RIGI: variants seen among roughly 807,000 people sequenced by gnomAD.
The protein encoded by RIGI is antiviral innate immune response receptor RIG-I.
At chr9:32,487,831 A>T in the RIGI span, 2 of 1,360,778 alleles carry the variant, frequency 1.5e-6, no homozygotes, top group Non-Finnish European at 2.0e-6. Context: ...AATGAGTTGT[A>T]CAATATGGAC....
At chr9:32,457,110 G>T in the RIGI span, 1 of 1,605,098 alleles carries the variant, frequency 6.2e-7, no homozygotes, top group South Asian at 1.1e-5. Flanking sequence ...GCTGAAGATT[G>T]AGGACCTGAT....
the RIGI span, chr9:32,457,012 A>G: frequency 1.2e-6 from 1 of 826,568 alleles, no homozygotes; most frequent in Non-Finnish European, 1.9e-6. Context: ...ATATTTTTAA[A>G]AAATATATTT....
At chr9:32,485,203 ACTCT>A in the RIGI span, 5 of 1,606,770 alleles carry the variant, frequency 3.1e-6, no homozygotes, top group South Asian at 5.6e-5. Flanking sequence ...TCTTTGCCAG[ACTCT>A]CTGTGTCCCT....
At chr9:32,492,538 T>C in the RIGI span, 1 of 1,614,108 alleles carries the variant, frequency 6.2e-7, no homozygotes, top group Non-Finnish European at 8.5e-7. Context: ...GTAGAGCAAA[T>C]CTAAGCAAGG....
the RIGI span, chr9:32,500,947 C>G: frequency 1.2e-6 from 2 of 1,610,852 alleles, no homozygotes; most frequent in Non-Finnish European, 1.7e-6. Flanking sequence ...CTTCTACAAA[C>G]AGAAGCAAAA....
chr9:32,504,299 CA>C, the RIGI span, among the ~76,000 whole-genome samples: 3 of 151,772 alleles, frequency 2.0e-5, no homozygotes, highest in African/African-American at 7.3e-5. Flanking sequence ...CCACGGATGG[CA>C]AAAAAATATG....
At chr9:32,492,613 G>A in the RIGI span, 1 of 1,531,210 alleles carries the variant, frequency 6.5e-7, no homozygotes, top group Non-Finnish European at 9.0e-7. Context: ...CTGAAGAAAT[G>A]TCAGTCATGT....
chr9:32,479,392 C>CA, the RIGI span, among the ~76,000 whole-genome samples: 3 of 151,704 alleles, frequency 2.0e-5, no homozygotes, highest in African/African-American at 7.3e-5. Context: ...AGGTAGAGGC[C>CA]AAAAAAACCC....
At chr9:32,461,572 G>A in the RIGI span, among the ~76,000 whole-genome samples, 2 of 152,176 alleles carry the variant, frequency 1.3e-5, no homozygotes, top group Non-Finnish European at 2.9e-5. Flanking sequence ...TGGGACAATA[G>A]CATCTGCTTC....
At chr9:32,466,496 T>C in the RIGI span, 3 of 1,465,962 alleles carry the variant, frequency 2.0e-6, no homozygotes, top group Admixed American at 4.9e-5. Context: ...TCTGATATAA[T>C]CTGCAAATAG....
chr9:32,504,435 T>A, the RIGI span, among the ~76,000 whole-genome samples: 1 of 152,062 alleles, frequency 6.6e-6, no homozygotes, highest in East Asian at 1.9e-4. Context: ...CCCAGCACTT[T>A]GGGAGGCCAA....
the RIGI span, chr9:32,491,545 TCCC>T: frequency 1.5e-6 from 1 of 672,234 alleles, no homozygotes; most frequent in South Asian, 2.2e-5. Flanking sequence ...TCACAACCAC[TCCC>T]CTTCACCTTT....
chr9:32,520,728 G>A, the RIGI span, among the ~76,000 whole-genome samples: 1 of 152,196 alleles, frequency 6.6e-6, no homozygotes, highest in South Asian at 2.1e-4. Flanking sequence ...CCAATGTCTG[G>A]GCCCCTGTGT....
At chr9:32,522,275 A>G in the RIGI span, among the ~76,000 whole-genome samples, 1 of 152,356 alleles carries the variant, frequency 6.6e-6, no homozygotes, top group East Asian at 1.9e-4. Flanking sequence ...CTTTAAGAAT[A>G]CAGTATATTA....
At chr9:32,471,586 T>C in the RIGI span, among the ~76,000 whole-genome samples, 1 of 152,206 alleles carries the variant, frequency 6.6e-6, no homozygotes, top group Non-Finnish European at 1.5e-5. Flanking sequence ...GCTATGCGAA[T>C]GTGGAAGAAG....
At chr9:32,492,625 C>A in the RIGI span, 1 of 1,499,660 alleles carries the variant, frequency 6.7e-7, no homozygotes, top group Non-Finnish European at 9.2e-7. Flanking sequence ...CAGTCATGTA[C>A]TATCTGATTT....
the RIGI span, chr9:32,492,643 T>C: frequency 1.0e-5 from 14 of 1,365,822 alleles, no homozygotes; most frequent in Middle Eastern, 1.8e-4. Context: ...TTTAAAGCCA[T>C]TGTACATTAC....
chr9:32,506,650 T>A, the RIGI span, among the ~76,000 whole-genome samples: 1 of 152,226 alleles, frequency 6.6e-6, no homozygotes, highest in Non-Finnish European at 1.5e-5. Flanking sequence ...TTTTCCAGTA[T>A]AATCTCACTT....
the RIGI span, chr9:32,481,522 T>C: frequency 1.4e-6 from 2 of 1,405,632 alleles, no homozygotes; most frequent in African/African-American, 2.9e-5. Context: ...AAAAAAAGTT[T>C]TTCACTGTCT....
Sources: gnomAD v4.1 joint callset for allele counts (sites outside exome capture counted in the v4.1 genomes callset) on GRCh38, gnomAD v4.1.1 for gene constraint, MANE v1.5 for transcripts, NCBI Gene and HGNC (gene_info 2026-07-23, HGNC 2026-07-21) for gene names.